Variants in UEVLD observed in about 807,000 individuals in gnomAD.
UEVLD encodes the protein UEV and lactate/malate dehyrogenase domains.
UEVLD carries 47 observed loss-of-function variants against 58.6 expected under a neutral mutation model. The observed-to-expected ratio is 0.80, with a 90% confidence interval of 0.63 to 1.02. The LOEUF (loss-of-function observed/expected upper bound fraction) is 1.02, where lower values mean the gene tolerates loss of function less well. UEVLD is among the 50% of genes least tolerant of loss of function. UEVLD has a pLI of 0.00. For missense variants in UEVLD, 510 were observed against 550.6 expected (o/e 0.93, Z 0.74); for synonymous variants, 197 against 195.3 (o/e 1.01, Z -0.07).
intron 1 of UEVLD, among the ~76,000 whole-genome samples, chr11:18,583,306 C>T (rs1181137309): frequency 1.3e-5 from 2 of 151,354 alleles, no homozygotes; most frequent in African/African-American, 2.4e-5. Flanking sequence ...CTGCAACCTC[C>T]GCCTCCCGGG....
chr11:18,536,540 T>C, intron 9 of UEVLD, 71 bp from the exon 10 acceptor site: 2 of 1,325,616 alleles, frequency 1.5e-6, no homozygotes, highest in Admixed American at 1.7e-5. Flanking sequence ...AACAGATCTT[T>C]TGGAGTCAAG....
At chr11:18,566,600 G>A in intron 4 of UEVLD, 118 bp from the exon 5 acceptor site, 2 of 1,034,664 alleles carry the variant, frequency 1.9e-6, no homozygotes, top group Non-Finnish European at 2.8e-6. Flanking sequence ...AGTTATGGTT[G>A]CACCACTATA....
intron 7 of UEVLD, among the ~76,000 whole-genome samples, chr11:18,551,282 G>A (rs539592897): frequency 6.6e-6 from 1 of 151,982 alleles, no homozygotes; most frequent in African/African-American, 2.4e-5. Context: ...AATTAGCCGG[G>A]CGTGGTGACA....
chr11:18,552,985 C>A (rs888637497), intron 7 of UEVLD, among the ~76,000 whole-genome samples: 8 of 120,276 alleles, frequency 6.7e-5, no homozygotes, highest in South Asian at 3.5e-4. Context: ...GAAACCCCGT[C>A]TCTACTAAAA....
chr11:18,588,587 A>G, intron 1 of UEVLD, 26 bp downstream of exon 1: 1 of 1,608,712 alleles, frequency 6.2e-7, no homozygotes, highest in Non-Finnish European at 8.5e-7. Context: ...CTGAGGACCC[A>G]AACTGGCCCA....
At chr11:18,563,686 T>G in intron 6 of UEVLD, 1 of 985,454 alleles carries the variant, frequency 1.0e-6, no homozygotes, top group South Asian at 4.7e-5. Flanking sequence ...GACAAAAGAC[T>G]GAATACAACT....
At chr11:18,541,250 T>C (rs965731162) in intron 9 of UEVLD, among the ~76,000 whole-genome samples, 2 of 152,218 alleles carry the variant, frequency 1.3e-5, no homozygotes, top group African/African-American at 4.8e-5. Flanking sequence ...TTAAGTAAAT[T>C]ATGGTATATC....
chr11:18,534,510 T>A, intron 10 of UEVLD, 57 bp from the exon 11 acceptor site: 1 of 1,521,374 alleles, frequency 6.6e-7, no homozygotes, highest in Non-Finnish European at 8.8e-7. Context: ...CATTTAGTTT[T>A]ACATTCTGGC....
rs199589781 is a variant in UEVLD at position 18,559,663 on chromosome 11, AAAT to A, written c.613-1336_613-1334del. Among the ~76,000 whole-genome samples the A allele has an allele frequency of 7.3e-3, 1,119 of 152,312 alleles. 13 individuals are homozygous for A. Among genetic ancestry groups the A allele is most frequent in the African/African-American group, 0.026 (1,068 of 41,572 alleles). ...CTTATTTCTAGTAGAAAAGTTAAAA[AAAT>A]AATGCCAGCTTTTTCTTAAAAAAAG... On this transcript the variant is annotated intron_variant, in intron 6 of 11. Coordinates refer to ENST00000396197, the MANE Select transcript of UEVLD (RefSeq NM_001040697.4).
intron 1 of UEVLD, among the ~76,000 whole-genome samples, chr11:18,584,195 C>T (rs1305597088): frequency 2.6e-5 from 4 of 151,994 alleles, no homozygotes; most frequent in Non-Finnish European, 5.9e-5. Context: ...GCCTGGGCAA[C>T]ACAACAAGAC....
rs777634892 is a variant in UEVLD at position 18,578,759 on chromosome 11, A to G, written c.92T>C (p.Phe31Ser). 2 of 1,608,552 alleles carry G rather than the reference A, an allele frequency of 1.2e-6. No homozygotes were observed. Among genetic ancestry groups the G allele is most frequent in the Non-Finnish European group, 1.7e-6 (2 of 1,177,424 alleles). ...TVEELRNVNV[F>S]FPHFKYSMDT... is the part of the protein sequence containing the mutation. ...CATGGAATATTTGAAATGTGGGAAA[A>G]ATACATTTACATTCCTTAGTTCTTC... The change falls in exon 2 of 12, where the codon TTT (phenylalanine) becomes TCT (serine). Residue 31 changes from phenylalanine to serine, a missense_variant. Phe to Ser is a radical substitution (Grantham distance 155). Transcript: ENST00000396197.
intron 11 of UEVLD, 89 bp from the exon 12 acceptor site, chr11:18,532,576 G>A: frequency 8.8e-7 from 1 of 1,132,446 alleles, no homozygotes; most frequent in East Asian, 2.9e-5. Context: ...TTCTTAACTA[G>A]GACAAAGTGA....
intron 1 of UEVLD, among the ~76,000 whole-genome samples, chr11:18,583,573 A>C (rs576455378): frequency 6.6e-6 from 1 of 152,016 alleles, no homozygotes; most frequent in African/African-American, 2.4e-5. Context: ...AATGTAGGAC[A>C]CACTGAGGAA....
At chr11:18,559,495 G>A (rs529633001) in intron 6 of UEVLD, among the ~76,000 whole-genome samples, 3 of 152,206 alleles carry the variant, frequency 2.0e-5, no homozygotes, top group Non-Finnish European at 2.9e-5. Flanking sequence ...CACTATGCCT[G>A]GCCCCTGCAG....
At chr11:18,535,361 G>T (rs1481218633) in intron 10 of UEVLD, among the ~76,000 whole-genome samples, 5 of 152,138 alleles carry the variant, frequency 3.3e-5, no homozygotes, top group African/African-American at 1.2e-4. Context: ...TGCAGTATCT[G>T]AAGTTTTATA....
At chr11:18,575,752 A>T (rs1257612323) in intron 2 of UEVLD, among the ~76,000 whole-genome samples, 1 of 152,200 alleles carries the variant, frequency 6.6e-6, no homozygotes, top group Non-Finnish European at 1.5e-5. Context: ...AGATAATAAG[A>T]CTGCCTTACA....
chr11:18,544,901 G>T, intron 8 of UEVLD, 105 bp from the exon 9 acceptor site: 1 of 675,794 alleles, frequency 1.5e-6, no homozygotes, highest in Non-Finnish European at 2.2e-6. Flanking sequence ...GGTCCTCAAT[G>T]CACTGAGGCA....
At chr11:18,576,798 T>C (rs913939710) in intron 2 of UEVLD, among the ~76,000 whole-genome samples, 2 of 152,110 alleles carry the variant, frequency 1.3e-5, no homozygotes, top group Non-Finnish European at 2.9e-5. Flanking sequence ...ACCTAACCAA[T>C]CAGCACTCCT....
At chr11:18,537,809 C>T (rs61884715) in intron 9 of UEVLD, among the ~76,000 whole-genome samples, 16,953 of 151,578 alleles carry the variant, frequency 0.11, 1,208 homozygotes, top group South Asian at 0.24. Context: ...ATTACAGGTG[C>T]CTGCCACCAC....
Sources: gnomAD v4.1 joint callset for allele counts (sites outside exome capture counted in the v4.1 genomes callset) on GRCh38, gnomAD v4.1.1 for gene constraint, MANE v1.5 for transcripts, NCBI Gene and HGNC (gene_info 2026-07-23, HGNC 2026-07-21) for gene names.